PEBP4: variants seen among roughly 807,000 people sequenced by gnomAD.
PEBP4 encodes the protein phosphatidylethanolamine binding protein 4.
In PEBP4, 22 loss-of-function variants were observed where a neutral mutation model predicts 23.9. The observed-to-expected ratio is 0.92, with a 90% CI of 0.66 to 1.31. PEBP4 has a LOEUF of 1.31. PEBP4 is among the 40% of genes most tolerant of loss of function. The pLI is 0.00. For missense variants in PEBP4, 324 were observed against 281.7 expected (o/e 1.15, Z -1.07); for synonymous variants, 112 against 99.3 (o/e 1.13, Z -0.76).
chr8:22,764,526 T>C (rs1294531629), intron 4 of PEBP4, among the ~76,000 whole-genome samples: 2 of 152,214 alleles, frequency 1.3e-5, no homozygotes, highest in East Asian at 3.8e-4. Flanking sequence ...AGTTGCCCAA[T>C]GCCCTGTGCT....
At chr8:22,908,854 A>C (rs966788948) in intron 3 of PEBP4, among the ~76,000 whole-genome samples, 7 of 152,236 alleles carry the variant, frequency 4.6e-5, no homozygotes, top group Non-Finnish European at 7.3e-5. Context: ...CTTTTCTTGC[A>C]AATGACCATC....
intron 1 of PEBP4, among the ~76,000 whole-genome samples, chr8:22,933,097 C>G (rs1809485617): frequency 6.6e-6 from 1 of 152,058 alleles, no homozygotes; most frequent in African/African-American, 2.4e-5. Context: ...GATAGTAGCT[C>G]AAGCCCCAGC....
At chr8:22,790,796 C>T (rs1234303306) in intron 4 of PEBP4, among the ~76,000 whole-genome samples, 2 of 152,004 alleles carry the variant, frequency 1.3e-5, no homozygotes, top group Non-Finnish European at 2.9e-5. Context: ...ATAAAAAGGG[C>T]TTTTTGGCTA....
At chr8:22,827,805 C>T (rs1391482085) in intron 3 of PEBP4, among the ~76,000 whole-genome samples, 1 of 152,184 alleles carries the variant, frequency 6.6e-6, no homozygotes, top group African/African-American at 2.4e-5. Flanking sequence ...TAAGAAACTA[C>T]CAAACTGTTT....
At chr8:22,850,240 C>G (rs141316421) in intron 3 of PEBP4, among the ~76,000 whole-genome samples, 72 of 152,212 alleles carry the variant, frequency 4.7e-4, no homozygotes, top group African/African-American at 1.6e-3. Flanking sequence ...GGTTTAGGGT[C>G]TGAGTTGATG....
At chr8:22,934,102 T>A (rs1209500154) in intron 1 of PEBP4, among the ~76,000 whole-genome samples, 1 of 152,188 alleles carries the variant, frequency 6.6e-6, no homozygotes, top group Non-Finnish European at 1.5e-5. Context: ...TGGAACTGCA[T>A]TCTATTCATG....
intron 3 of PEBP4, chr8:22,896,192 T>C (rs923143158): frequency 6.6e-6 from 1 of 152,266 alleles, no homozygotes; most frequent in African/African-American, 2.4e-5. Context: ...GGAATGGAGC[T>C]TGGACAATCA....
At chr8:22,908,468 G>T (rs1808865229) in intron 3 of PEBP4, among the ~76,000 whole-genome samples, 1 of 152,096 alleles carries the variant, frequency 6.6e-6, no homozygotes, top group East Asian at 1.9e-4. Flanking sequence ...GAAAGATTAG[G>T]ACTGAGGATT....
chr8:22,834,647 C>T (rs1273299795), intron 3 of PEBP4, among the ~76,000 whole-genome samples: 1 of 152,162 alleles, frequency 6.6e-6, no homozygotes, highest in African/African-American at 2.4e-5. Flanking sequence ...TATTCTGGCC[C>T]AGAATATGTA....
intron 3 of PEBP4, among the ~76,000 whole-genome samples, chr8:22,821,654 G>A (rs185669581): frequency 1.2e-4 from 19 of 152,050 alleles, no homozygotes; most frequent in Non-Finnish European, 2.4e-4. Context: ...GAGTGTGGTG[G>A]AACTTGGGAA....
At chr8:22,743,205 G>A (rs1805036094) in intron 4 of PEBP4, among the ~76,000 whole-genome samples, 1 of 152,156 alleles carries the variant, frequency 6.6e-6, no homozygotes, top group African/African-American at 2.4e-5. Flanking sequence ...GCTGGGGAGT[G>A]AGCAAGGGCA....
intron 4 of PEBP4, among the ~76,000 whole-genome samples, chr8:22,806,286 T>C (rs1024410906): frequency 3.3e-5 from 5 of 152,304 alleles, no homozygotes; most frequent in African/African-American, 1.2e-4. Flanking sequence ...CTTGAAACTT[T>C]GACCTAAAAT....
intron 4 of PEBP4, among the ~76,000 whole-genome samples, chr8:22,753,510 A>C (rs1311145926): frequency 6.6e-6 from 1 of 152,232 alleles, no homozygotes; most frequent in Non-Finnish European, 1.5e-5. Context: ...TGACAAAATA[A>C]TGAAATCAGA....
At chr8:22,897,008 T>TA (rs570112304) in intron 3 of PEBP4, among the ~76,000 whole-genome samples, 3 of 151,554 alleles carry the variant, frequency 2.0e-5, no homozygotes, top group Non-Finnish European at 4.4e-5. Flanking sequence ...GTTATATATA[T>TA]ACACATATAT....
intron 3 of PEBP4, among the ~76,000 whole-genome samples, chr8:22,911,449 C>T (rs1808937407): frequency 6.6e-6 from 1 of 152,212 alleles, no homozygotes; most frequent in Non-Finnish European, 1.5e-5. Context: ...CAGCTCCCCA[C>T]AGCAGAGCTG....
At chr8:22,851,137 G>C (rs1407681550) in intron 3 of PEBP4, among the ~76,000 whole-genome samples, 2 of 152,140 alleles carry the variant, frequency 1.3e-5, no homozygotes, top group South Asian at 2.1e-4. Flanking sequence ...TCTTGCCCTG[G>C]GTGACAGTCT....
Position 22,747,348 on chromosome 8 carries a change from T to A in PEBP4, c.358-20128A>T, listed in dbSNP as rs1341312507. Among the ~76,000 whole-genome samples, 4 of 125,292 alleles carry A rather than the reference T, an allele frequency of 3.2e-5. No individual in the cohort carries two copies. The Admixed American group carries it at 3.2e-4, about 10-fold the overall frequency. The allele number at this position is 125,292 out of a possible 152,430, so 82.2% of individuals were successfully genotyped here. ...CAAGTGCCACTGTGTAGATCCAGGG[T>A]CTCTGCTGTGCCCAGCCTCCTGTAC... On this transcript the variant is annotated intron_variant, in intron 4 of 6. Transcript: ENST00000256404.
At chr8:22,789,325 G>A (rs1387571096) in intron 4 of PEBP4, among the ~76,000 whole-genome samples, 4 of 152,012 alleles carry the variant, frequency 2.6e-5, no homozygotes, top group East Asian at 3.9e-4. Flanking sequence ...AGAGATCGTC[G>A]GGCCCAACCT....
chr8:22,833,164 T>C (rs1262512322), intron 3 of PEBP4, among the ~76,000 whole-genome samples: 1 of 152,170 alleles, frequency 6.6e-6, no homozygotes, highest in African/African-American at 2.4e-5. Context: ...TATCTGTGAG[T>C]ATGAACTTCC....
Sources: gnomAD v4.1 joint callset for allele counts (sites outside exome capture counted in the v4.1 genomes callset) on GRCh38, gnomAD v4.1.1 for gene constraint, MANE v1.5 for transcripts, NCBI Gene and HGNC (gene_info 2026-07-23, HGNC 2026-07-21) for gene names.